The following PER3 variants were observed in gnomAD, a reference collection of about 807,000 sequenced individuals.
PER3 encodes the protein period circadian regulator 3, also known as period circadian protein homolog 3.
A neutral mutation model predicts 127.2 loss-of-function variants in PER3; 107 were observed. The ratio of observed to expected loss-of-function variants is 0.84; its 90% CI spans 0.72 to 0.99. The LOEUF (loss-of-function observed/expected upper bound fraction) is 0.99. Among genes scored for constraint, PER3 ranks in the 50% least tolerant of loss-of-function variants. The probability of loss-of-function intolerance (pLI) is 0.00; values close to 1 mark genes in which losing one functional copy is unlikely to be tolerated. For synonymous variants in PER3, 618 were observed against 585.8 expected, an observed-to-expected ratio of 1.05 and a Z score of -0.79; for missense variants, 1,560 against 1,525.8, an observed-to-expected ratio of 1.02 and a Z score of -0.37.
intron 6 of PER3, among the ~76,000 whole-genome samples, chr1:7,795,201 C>T (rs1577670453): frequency 1.3e-5 from 2 of 152,126 alleles, no homozygotes; most frequent in Admixed American, 1.3e-4. Flanking sequence ...CAGTTCCTGC[C>T]TCCTAATAAG....
chr1:7,821,088 G>A (rs544130690), intron 16 of PER3, among the ~76,000 whole-genome samples: 1 of 152,180 alleles, frequency 6.6e-6, no homozygotes, highest in East Asian at 1.9e-4. Context: ...GCAATGAATA[G>A]AGTACTTTAA....
At chr1:7,836,926 C>A in intron 20 of PER3, 73 bp from the exon 21 acceptor site, 2 of 1,162,414 alleles carry the variant, frequency 1.7e-6, no homozygotes, top group Non-Finnish European at 2.5e-6. Context: ...AGAAGAAGTG[C>A]TATTCCTAGA....
chr1:7,822,169 G>A (rs1346804294), intron 16 of PER3, among the ~76,000 whole-genome samples: 2 of 152,150 alleles, frequency 1.3e-5, no homozygotes, highest in East Asian at 3.8e-4. Flanking sequence ...ATTTTGGGAG[G>A]CCAAGACAGG....
At chr1:7,814,139 GA>G (rs2097235197) in intron 13 of PER3, among the ~76,000 whole-genome samples, 1 of 152,176 alleles carries the variant, frequency 6.6e-6, no homozygotes, top group African/African-American at 2.4e-5. Flanking sequence ...AAACAGAATA[GA>G]GCATTCTAAG....
At chr1:7,814,706 TAA>T (rs2097238862) in intron 13 of PER3, among the ~76,000 whole-genome samples, 1 of 152,166 alleles carries the variant, frequency 6.6e-6, no homozygotes, top group Non-Finnish European at 1.5e-5. Context: ...AAATTAATCA[TAA>T]AGATAATGGA....
At position 7,789,454 on chromosome 1, in the gene PER3, G is replaced by A. The variant is rs186712448; in HGVS notation, c.592+1208G>A. 3.2e-4 allele frequency among the ~76,000 whole-genome samples: 48 copies of A among 152,252 alleles called. 2 individuals carry two copies. The highest frequency in any genetic ancestry group is 1.0e-3 in the South Asian group (5 of 4,826). Reference sequence around the variant, plus strand: ...AAGCTCTCTCTCTTTGCCTGCTGCCGTCCATGTAAGATGTAACTTGCCCCT... The same window carrying A: ...AAGCTCTCTCTCTTTGCCTGCTGCCATCCATGTAAGATGTAACTTGCCCCT... On this transcript the variant is annotated intron_variant, in intron 5 of 21. Transcript: ENST00000377532.
intron 19 of PER3, among the ~76,000 whole-genome samples, chr1:7,835,338 T>C (rs982814674): frequency 2.6e-5 from 4 of 152,194 alleles, no homozygotes; most frequent in Non-Finnish European, 4.4e-5. Flanking sequence ...TTGACAGTTA[T>C]GAAAAGTCAG....
chr1:7,833,637 T>G (rs1486368449), intron 19 of PER3, among the ~76,000 whole-genome samples: 1 of 152,326 alleles, frequency 6.6e-6, no homozygotes, highest in East Asian at 1.9e-4. Context: ...ATATTTAAAG[T>G]AAGTTTCTCG....
At chr1:7,798,275 A>G (rs2097154744) in intron 6 of PER3, among the ~76,000 whole-genome samples, 1 of 152,270 alleles carries the variant, frequency 6.6e-6, no homozygotes. Context: ...GAGAAAAGTC[A>G]TGGAACCACT....
At chr1:7,810,349 A>C (rs1330019487) in intron 12 of PER3, 89 bp from the exon 13 acceptor site, 29 of 969,544 alleles carry the variant, frequency 3.0e-5, no homozygotes, top group Non-Finnish European at 4.0e-5. Context: ...ATCTTCAAAG[A>C]AACAGAAGCT....
intron 13 of PER3, chr1:7,811,570 A>G (rs1054535439): frequency 5.3e-5 from 8 of 152,356 alleles, no homozygotes; most frequent in African/African-American, 1.7e-4. Context: ...CTTCTCAGAG[A>G]ACATCACTTC....
chr1:7,795,715 C>T (rs902190365), intron 6 of PER3, among the ~76,000 whole-genome samples: 4 of 152,194 alleles, frequency 2.6e-5, no homozygotes, highest in East Asian at 1.9e-4. Context: ...GACTTCTGCA[C>T]GAAGTGTTTT....
chr1:7,802,189 A>G (rs1459977909), intron 8 of PER3, among the ~76,000 whole-genome samples: 1 of 152,180 alleles, frequency 6.6e-6, no homozygotes, highest in Admixed American at 6.5e-5. Context: ...GTTTCCCATG[A>G]ACCTTTATCC....
In PER3 at chr1:7,827,519, C is replaced by A; in HGVS notation, c.2590C>A (p.Pro864Thr). 2 of 1,614,210 alleles carry A rather than the reference C, an allele frequency of 1.2e-6. No individual in the cohort carries two copies. Among genetic ancestry groups the A allele is most frequent in the East Asian group, 2.2e-5 (1 of 44,882 alleles). ...TFMTVFLPDP[P>T]VCPLLSPSFL... ...TATGACCGTTTTCCTGCCTGACCCC[C>A]CTGTCTGTCCTCTGTTGTCGCCATC... Residue 864 changes from proline (P) to threonine (T), a missense_variant, in exon 18 of 22, where the codon CCT becomes ACT. Physicochemically the swap from Pro to Thr is conservative, Grantham distance 38. Around this residue, in one of 3 missense-constraint regions of PER3, gnomAD observed 1,332 missense variants for 1,223.6 expected, o/e 1.09. Coordinates refer to ENST00000377532, the MANE Select transcript of PER3 (RefSeq NM_001377275.1).
At chr1:7,791,767 A>C (rs1280868261) in intron 5 of PER3, among the ~76,000 whole-genome samples, 1 of 152,200 alleles carries the variant, frequency 6.6e-6, no homozygotes, top group Non-Finnish European at 1.5e-5. Context: ...TCAAAGTTCC[A>C]CAGATCTCTA....
At position 7,820,008 on chromosome 1, in the gene PER3, A is replaced by C. The variant is rs1161668031; in HGVS notation, c.1659-107A>C. 27 of 1,111,386 alleles carry C rather than the reference A, an allele frequency of 2.4e-5. No homozygotes were observed. In the East Asian group the frequency reaches 6.2e-4, roughly 26 times the overall value. The allele number at this position is 1,111,386 out of a possible 1,614,324, so 68.8% of individuals were successfully genotyped here. On this transcript the variant is annotated intron_variant, in intron 14 of 21. Coordinates refer to ENST00000377532, the MANE Select transcript of PER3 (RefSeq NM_001377275.1). ...GTCAGGGAAGACTTTATCAAAGAAGAAAGTACAAAGTATGCCAAACATAAG... is the reference window on the plus strand; with the variant it reads ...GTCAGGGAAGACTTTATCAAAGAAGCAAGTACAAAGTATGCCAAACATAAG...
chr1:7,794,375 C>T (rs1313156373), intron 6 of PER3, among the ~76,000 whole-genome samples: 1 of 152,118 alleles, frequency 6.6e-6, no homozygotes, highest in Non-Finnish European at 1.5e-5. Flanking sequence ...CGCCTGTAGT[C>T]CCAGCTACTC....
intron 7 of PER3, among the ~76,000 whole-genome samples, chr1:7,800,179 A>C (rs937997937): frequency 9.3e-5 from 14 of 151,098 alleles, no homozygotes; most frequent in African/African-American, 3.2e-4. Flanking sequence ...AGATATTAGC[A>C]TTTGCTCATA....
At chr1:7,799,157 G>T (rs891459403) in intron 7 of PER3, among the ~76,000 whole-genome samples, 4 of 152,132 alleles carry the variant, frequency 2.6e-5, no homozygotes, top group African/African-American at 7.2e-5. Flanking sequence ...TGAAAAGTCA[G>T]TTCAGATGTA....
Sources: gnomAD v4.1 joint callset for allele counts (sites outside exome capture counted in the v4.1 genomes callset) on GRCh38, gnomAD v4.1.1 for gene constraint, gnomAD v4.1.1 regional missense constraint, MANE v1.5 for transcripts, NCBI Gene and HGNC (gene_info 2026-07-23, HGNC 2026-07-21) for gene names.